CDH13: variants seen among roughly 807,000 people sequenced by gnomAD.
CDH13 encodes the protein cadherin 13, also known as cadherin-13.
A neutral mutation model predicts 63.8 loss-of-function variants in CDH13; 24 were observed. That is an observed-to-expected ratio of 0.38 (90% CI 0.27 to 0.53). The LOEUF is 0.53. CDH13 is among the 20% of genes least tolerant of loss of function. The pLI, the probability that CDH13 is intolerant of heterozygous loss-of-function variation, is 0.85. For missense variants in CDH13, 1,049 were observed against 903.1 expected (o/e 1.16, Z -2.07); for synonymous variants, 503 against 355.3 (o/e 1.42, Z -4.67).
At chr16:82,775,895 G>A (rs1017834929) in intron 1 of CDH13, among the ~76,000 whole-genome samples, 1 of 152,126 alleles carries the variant, frequency 6.6e-6, no homozygotes, top group Admixed American at 6.5e-5. Context: ...ATGGATGGAA[G>A]TATGAAAGGA....
At chr16:83,483,406 C>T (rs537354137) in intron 6 of CDH13, among the ~76,000 whole-genome samples, 3 of 151,420 alleles carry the variant, frequency 2.0e-5, no homozygotes, top group South Asian at 4.2e-4. Context: ...AACCTGTAAA[C>T]AAAAAGATAT....
intron 6 of CDH13, among the ~76,000 whole-genome samples, chr16:83,369,370 G>T (rs376106208): frequency 2.0e-4 from 30 of 152,046 alleles, no homozygotes; most frequent in African/African-American, 7.2e-4. Context: ...AAGCATGTAG[G>T]TCCAAACCTG....
At chr16:83,048,183 A>T (rs191455347) in intron 3 of CDH13, among the ~76,000 whole-genome samples, 2 of 152,342 alleles carry the variant, frequency 1.3e-5, no homozygotes, top group Admixed American at 1.3e-4. Context: ...AGACCAAGAT[A>T]TGAACACAAG....
Position 83,395,991 on chromosome 16 carries a change from T to C in CDH13, c.781+50985T>C, listed in dbSNP as rs980588187. ...TCCTGGTGTGTGTTGTTCCCCTCTA[T>C]ATGTCCACGTGTTCTCATCATTTAG... On this transcript the variant is annotated intron_variant, in intron 6 of 13. Coordinates refer to ENST00000567109, the MANE Select transcript of CDH13 (RefSeq NM_001257.5). Among the ~76,000 whole-genome samples the C allele has an allele frequency of 3.9e-4, 60 of 152,268 alleles. 1 individual carries two copies. Among genetic ancestry groups the C allele is most frequent in the African/African-American group, 1.4e-3 (57 of 41,554 alleles).
At chr16:82,715,640 C>T (rs1196071436) in intron 1 of CDH13, among the ~76,000 whole-genome samples, 1 of 152,030 alleles carries the variant, frequency 6.6e-6, no homozygotes, top group Non-Finnish European at 1.5e-5. Context: ...AATACACATC[C>T]CCACCGTCTG....
At chr16:82,862,257 T>A (rs1423469137) in intron 2 of CDH13, among the ~76,000 whole-genome samples, 1 of 151,980 alleles carries the variant, frequency 6.6e-6, no homozygotes, top group African/African-American at 2.4e-5. Context: ...GAACAGAAGA[T>A]CCCCAGTCTT....
intron 1 of CDH13, among the ~76,000 whole-genome samples, chr16:82,819,466 T>C (rs1184728354): frequency 6.6e-6 from 1 of 152,154 alleles, no homozygotes; most frequent in Admixed American, 6.6e-5. Flanking sequence ...AAGCTGCCTG[T>C]CCCACTGTTC....
intron 1 of CDH13, among the ~76,000 whole-genome samples, chr16:82,763,484 G>GA (rs977440199): frequency 6.6e-6 from 1 of 152,036 alleles, no homozygotes; most frequent in African/African-American, 2.4e-5. Flanking sequence ...CTGAATGAAA[G>GA]AAAAAATGAA....
chr16:83,108,372 A>G (rs1248496971), intron 3 of CDH13, among the ~76,000 whole-genome samples: 1 of 152,220 alleles, frequency 6.6e-6, no homozygotes, highest in African/African-American at 2.4e-5. Flanking sequence ...ACAACCAGGA[A>G]AGACTGGGCT....
At chr16:83,088,865 A>G (rs925257602) in intron 3 of CDH13, among the ~76,000 whole-genome samples, 1 of 152,346 alleles carries the variant, frequency 6.6e-6, no homozygotes, top group African/African-American at 2.4e-5. Context: ...ATTTTTCAGC[A>G]ACAACCACAG....
chr16:82,695,483 G>A (rs1243296575), intron 1 of CDH13, among the ~76,000 whole-genome samples: 1 of 152,106 alleles, frequency 6.6e-6, no homozygotes, highest in Non-Finnish European at 1.5e-5. Context: ...TGGCTCCAAT[G>A]GTGAGCAGGA....
intron 5 of CDH13, among the ~76,000 whole-genome samples, chr16:83,218,368 C>T (rs962390888): frequency 6.6e-6 from 1 of 152,190 alleles, no homozygotes; most frequent in Non-Finnish European, 1.5e-5. Context: ...AGATGTCCAT[C>T]TCGGAAGCCT....
chr16:82,761,051 T>C (rs1432397933), intron 1 of CDH13, among the ~76,000 whole-genome samples: 1 of 132,532 alleles, frequency 7.5e-6, no homozygotes, highest in Non-Finnish European at 1.6e-5. Flanking sequence ...TTTTTTGGAG[T>C]CTCACTCTGT....
chr16:82,804,312 C>CACATAT (rs58046063), intron 1 of CDH13, among the ~76,000 whole-genome samples: 6 of 148,376 alleles, frequency 4.0e-5, no homozygotes, highest in African/African-American at 1.5e-4. Flanking sequence ...CACACACACA[C>CACATAT]GCACACACAT....
At chr16:83,704,478 G>A (rs13380530) in intron 10 of CDH13, among the ~76,000 whole-genome samples, 27,625 of 151,964 alleles carry the variant, frequency 0.18, 2,973 homozygotes, top group African/African-American at 0.31. Flanking sequence ...TGTACCCAGT[G>A]AGTGGATTTA....
chr16:82,763,129 T>C (rs1253304497), intron 1 of CDH13, among the ~76,000 whole-genome samples: 1 of 152,182 alleles, frequency 6.6e-6, no homozygotes. Flanking sequence ...AGGGCCTTTG[T>C]ATGTGCTGCT....
intron 8 of CDH13, among the ~76,000 whole-genome samples, chr16:83,615,047 C>T (rs1015180122): frequency 6.6e-6 from 1 of 152,126 alleles, no homozygotes; most frequent in Non-Finnish European, 1.5e-5. Flanking sequence ...GGATCTTTTC[C>T]TCTGTTTTTG....
At chr16:83,114,271 C>T (rs924147789) in intron 3 of CDH13, among the ~76,000 whole-genome samples, 1 of 152,090 alleles carries the variant, frequency 6.6e-6, no homozygotes, top group African/African-American at 2.4e-5. Flanking sequence ...GTGTGACTTT[C>T]ATTACTGGAG....
At chr16:82,712,029 C>T (rs567744645) in intron 1 of CDH13, among the ~76,000 whole-genome samples, 4 of 152,300 alleles carry the variant, frequency 2.6e-5, no homozygotes, top group African/African-American at 9.6e-5. Context: ...CTCTCGCCTT[C>T]CTGCATTTTA....
Sources: gnomAD v4.1 joint callset for allele counts (sites outside exome capture counted in the v4.1 genomes callset) on GRCh38, gnomAD v4.1.1 for gene constraint, MANE v1.5 for transcripts, NCBI Gene and HGNC (gene_info 2026-07-23, HGNC 2026-07-21) for gene names.